Variants in ZFHX3 observed in about 807,000 individuals in gnomAD.
ZFHX3 encodes the protein zinc finger homeobox protein 3.
ZFHX3 carries 42 observed loss-of-function variants against 279.1 expected under a neutral mutation model. The observed-to-expected ratio is 0.15, with a 90% CI of 0.12 to 0.19. The LOEUF is 0.19. ZFHX3 is among the 10% of genes least tolerant of loss of function. The pLI, the probability that ZFHX3 is intolerant of heterozygous loss-of-function variation, is 1.00. For synonymous variants in ZFHX3, 2,293 were observed against 1,957.8 expected, an observed-to-expected ratio of 1.17 and a Z score of -4.52; for missense variants, 4,981 against 4,754.0, an observed-to-expected ratio of 1.05 and a Z score of -1.40.
At chr16:73,337,889 T>TG (rs1555510877) in intron 3 of ZFHX3, among the ~76,000 whole-genome samples, 22 of 30,726 alleles carry the variant, frequency 7.2e-4, no homozygotes, top group South Asian at 3.8e-3. Flanking sequence ...CATCTTCCCT[T>TG]GGCGGGGGGG....
At chr16:72,832,760 G>A (rs544593528) in intron 4 of ZFHX3, among the ~76,000 whole-genome samples, 43 of 151,676 alleles carry the variant, frequency 2.8e-4, no homozygotes, top group Admixed American at 9.2e-4. Context: ...GGCGAGGCCC[G>A]GAAGGGCAGC....
intron 1 of ZFHX3, among the ~76,000 whole-genome samples, chr16:73,813,078 T>TTTATCCAGTC (rs1266897341): frequency 6.6e-6 from 1 of 152,156 alleles, no homozygotes; most frequent in Non-Finnish European, 1.5e-5. Flanking sequence ...CTAAACAAGA[T>TTTATCCAGTC]TTATCCAGTC....
chr16:73,112,629 TCTCTTGAACC>T (rs1567391716), intron 7 of ZFHX3, among the ~76,000 whole-genome samples: 2 of 142,404 alleles, frequency 1.4e-5, no homozygotes, highest in African/African-American at 5.3e-5. Context: ...GGCAGGAGAA[TCTCTTGAACC>T]CGGGAGGTGG....
At chr16:73,500,656 A>G (rs1202289842) in intron 2 of ZFHX3, among the ~76,000 whole-genome samples, 2 of 132,398 alleles carry the variant, frequency 1.5e-5, no homozygotes, top group African/African-American at 3.2e-5. Context: ...TAAAAAGTTT[A>G]AAGAGTTAAA....
At chr16:73,008,652 G>A (rs719353) in intron 1 of ZFHX3, among the ~76,000 whole-genome samples, 86,839 of 151,924 alleles carry the variant, frequency 0.57, 26,553 homozygotes, top group East Asian at 0.84. Context: ...TTGGGCATAT[G>A]CTGCTTGCTT....
chr16:73,445,207 T>G (rs1179119552), intron 3 of ZFHX3, among the ~76,000 whole-genome samples: 1 of 151,806 alleles, frequency 6.6e-6, no homozygotes, highest in Non-Finnish European at 1.5e-5. Flanking sequence ...TGTATATACA[T>G]AATTCGAATA....
At chr16:72,896,977 G>A (rs2038916230) in intron 3 of ZFHX3, among the ~76,000 whole-genome samples, 1 of 152,246 alleles carries the variant, frequency 6.6e-6, no homozygotes, top group Non-Finnish European at 1.5e-5. Context: ...GTGCACACAG[G>A]CACACACGGC....
intron 1 of ZFHX3, among the ~76,000 whole-genome samples, chr16:73,724,672 G>C (rs1379538574): frequency 6.6e-6 from 1 of 152,194 alleles, no homozygotes; most frequent in African/African-American, 2.4e-5. Context: ...AGAGAAGCTA[G>C]CCCCAAATTC....
intron 3 of ZFHX3, among the ~76,000 whole-genome samples, chr16:72,916,275 T>C (rs929331170): frequency 2.0e-5 from 3 of 152,186 alleles, no homozygotes; most frequent in Non-Finnish European, 4.4e-5. Context: ...TTAATGACAT[T>C]TGATTTTGTA....
chr16:73,121,919 T>C (rs1054586373), intron 7 of ZFHX3, among the ~76,000 whole-genome samples: 5 of 152,140 alleles, frequency 3.3e-5, no homozygotes, highest in South Asian at 2.1e-4. Flanking sequence ...CCAGCCATAA[T>C]TGTGGTTTTC....
At chr16:73,793,498 T>C (rs1959896419) in intron 1 of ZFHX3, among the ~76,000 whole-genome samples, 1 of 152,230 alleles carries the variant, frequency 6.6e-6, no homozygotes, top group South Asian at 2.1e-4. Flanking sequence ...AACGAAAATA[T>C]GCTCCTTGCA....
At chr16:73,880,672 A>G (rs1218294905) in intron 1 of ZFHX3, among the ~76,000 whole-genome samples, 3 of 152,174 alleles carry the variant, frequency 2.0e-5, no homozygotes, top group African/African-American at 4.8e-5. Context: ...GTCTCATCCC[A>G]GAAGGTGTGT....
chr16:73,404,487 C>G (rs41325148), intron 3 of ZFHX3, among the ~76,000 whole-genome samples: 10,055 of 152,260 alleles, frequency 0.066, 417 homozygotes, highest in African/African-American at 0.11. Context: ...TAGGAAATTA[C>G]AAGTCTAAGC....
At chr16:72,973,136 A>C (rs751116277) in intron 1 of ZFHX3, among the ~76,000 whole-genome samples, 1 of 152,186 alleles carries the variant, frequency 6.6e-6, no homozygotes, top group African/African-American at 2.4e-5. Context: ...ATGTCTGTAC[A>C]TGCCTAGTGT....
rs779515687 is a variant in ZFHX3, at chr16:72,959,799, G to A, written c.347C>T (p.Thr116Ile). Residue 116 changes from threonine (T) to isoleucine (I), a missense_variant, in exon 2 of 10, where the codon ACC becomes ATC. By Grantham distance (89) the Thr-to-Ile change is moderately conservative (BLOSUM62 -1). Transcript: ENST00000268489. ...ACTCTCCTCGTCCCCCTCCTCACCG[G>A]TGTCGCTGGCGCTCTCCTCTCTCAG... The part of the protein sequence containing the change: ...PPLREESASD[T>I]GEEGDEESDV... 3.1e-6 allele frequency: 5 copies of A among 1,597,772 alleles called. No individual in the cohort carries two copies. In the East Asian group the frequency reaches 1.1e-4, roughly 36 times the overall value.
chr16:73,781,425 G>A (rs7205224), intron 1 of ZFHX3, among the ~76,000 whole-genome samples: 17,060 of 151,874 alleles, frequency 0.11, 3,092 homozygotes, highest in African/African-American at 0.39. Context: ...TGTAGATCAT[G>A]GTTTGGCAAA....
At chr16:73,814,724 T>C (rs1330473623) in intron 1 of ZFHX3, among the ~76,000 whole-genome samples, 4 of 151,928 alleles carry the variant, frequency 2.6e-5, no homozygotes, top group Non-Finnish European at 5.9e-5. Flanking sequence ...CCCACCACCA[T>C]GCCTGGCTAA....
intron 1 of ZFHX3, among the ~76,000 whole-genome samples, chr16:73,694,323 A>AATTTT (rs200539814): frequency 0.086 from 12,975 of 151,668 alleles, 698 homozygotes; most frequent in Non-Finnish European, 0.12. Context: ...GCTATCTCAA[A>AATTTT]ATTTTATTTT....
chr16:73,093,173 G>A (rs756917271), intron 8 of ZFHX3: 3 of 519,948 alleles, frequency 5.8e-6, no homozygotes, highest in Non-Finnish European at 1.2e-5. Flanking sequence ...CTCCAGCAGA[G>A]GTTTTCGGGA....
Sources: allele counts gnomAD v4.1 joint callset (sites outside exome capture counted in the v4.1 genomes callset), GRCh38; gene constraint gnomAD v4.1.1; transcripts MANE v1.5; gene names NCBI Gene and HGNC (gene_info 2026-07-23, HGNC 2026-07-21).